GPBP1L1: variants seen among roughly 807,000 people sequenced by gnomAD.
GPBP1L1 encodes the protein vasculin-like protein 1.
Under a neutral mutation model 52.5 loss-of-function variants are expected in GPBP1L1, and 23 were observed. That is an observed-to-expected ratio of 0.44 (90% CI 0.32 to 0.62). The LOEUF (loss-of-function observed/expected upper bound fraction) is 0.62, where lower values mean the gene tolerates loss of function less well. Ranked by LOEUF, GPBP1L1 falls within the 20% of genes least tolerant of loss-of-function variation. GPBP1L1 has a pLI of 0.06. For missense variants in GPBP1L1, 596 were observed against 579.3 expected, an observed-to-expected ratio of 1.03 and a Z score of -0.30; for synonymous variants, 243 against 203.1, an observed-to-expected ratio of 1.20 and a Z score of -1.67.
At chr1:45,644,807 T>C (rs2148448432) in intron 6 of GPBP1L1, among the ~76,000 whole-genome samples, 1 of 152,290 alleles carries the variant, frequency 6.6e-6, no homozygotes, top group African/African-American at 2.4e-5. Flanking sequence ...CCTAAAACTG[T>C]CAGCTCAATA....
At position 45,640,339 on chromosome 1, in the gene GPBP1L1, A is replaced by C; in HGVS notation, c.615T>G (p.Asp205Glu). ...MLVIKKVSKEDPAAAFSAAFT... is the reference protein window; with the variant it reads ...MLVIKKVSKEEPAAAFSAAFT... ...ATGCAGCAGAGAAGGCAGCAGCAGG[A>C]TCCTCTTTGGAAACTTTTTTGATAA... is the stretch of plus-strand genomic sequence containing the variant. The change falls in exon 8 of 13, where the codon GAT becomes GAG. Residue 205 changes from aspartate (D) to glutamate (E), a missense_variant. By Grantham distance (45) the Asp-to-Glu change is conservative (BLOSUM62 2). Transcript: ENST00000355105. 1 of 1,614,164 alleles carries C rather than the reference A, an allele frequency of 6.2e-7. No individual in the cohort carries two copies. The highest frequency in any genetic ancestry group is 8.5e-7 in the Non-Finnish European group (1 of 1,180,006).
intron 6 of GPBP1L1, among the ~76,000 whole-genome samples, chr1:45,644,163 T>C (rs1644710296): frequency 6.6e-6 from 1 of 152,140 alleles, no homozygotes; most frequent in African/African-American, 2.4e-5. Flanking sequence ...ACCAACTCTC[T>C]ATATAAGTGG....
In GPBP1L1 at chr1:45,655,285, T is replaced by C; in HGVS notation, c.95A>G (p.His32Arg). Residue 32 changes from histidine (H) to arginine (R), a missense_variant, in exon 5 of 13, where the codon CAC becomes CGC. Physicochemically the swap from His to Arg is conservative, Grantham distance 29. Transcript: ENST00000355105. ...AAATCTACCTTCTCCTCTGGGTAGG[T>C]GCTCTCCGTGTTTTTCGAAGGTGGC... ...PTATFEKHGE[H>R]LPRGEGRFGV... 2 of 1,614,090 alleles carry C rather than the reference T, an allele frequency of 1.2e-6. No homozygotes were observed. Among genetic ancestry groups the C allele is most frequent in the Non-Finnish European group, 1.7e-6 (2 of 1,179,976 alleles).
chr1:45,644,003 T>C (rs1644708376), intron 6 of GPBP1L1, among the ~76,000 whole-genome samples: 1 of 152,084 alleles, frequency 6.6e-6, no homozygotes, highest in African/African-American at 2.4e-5. Context: ...CTGTGAACAT[T>C]ATACAAACAA....
At position 45,628,194 on chromosome 1, in the gene GPBP1L1, T is replaced by C. The variant is rs944810068; in HGVS notation, c.*62A>G. ...AAGAAAAGGAAAAGAACGATTTCTTTTGTATACTCCCTAAACACACAGAGT... is the reference window on the plus strand; with the variant it reads ...AAGAAAAGGAAAAGAACGATTTCTTCTGTATACTCCCTAAACACACAGAGT... On this transcript the variant is annotated 3_prime_UTR_variant, in exon 13 of 13. Transcript: ENST00000355105. 7 of 1,463,686 alleles carry C rather than the reference T, an allele frequency of 4.8e-6. No homozygotes were observed. Among genetic ancestry groups the C allele is most frequent in the African/African-American group, 2.8e-5 (2 of 71,478 alleles). 90.7% of individuals were successfully genotyped at this position (1,463,686 alleles called of 1,614,324 possible).
chr1:45,646,015 C>T (rs1000288893), intron 6 of GPBP1L1: 2 of 507,598 alleles, frequency 3.9e-6, no homozygotes, highest in Non-Finnish European at 7.8e-6. Flanking sequence ...GTGAGGTTCA[C>T]AATTTTCCCA....
At position 45,654,439 on chromosome 1, in the gene GPBP1L1, T is replaced by C. The variant is rs1644857662; in HGVS notation, c.477+104A>G. ...AACAATAAAAACCTCAACTTACAAA[T>C]TCCTTTTTCTGTAATTTCTGAAATG... On this transcript the variant is annotated intron_variant, in intron 6 of 12. Transcript: ENST00000355105. 4 of 1,144,588 alleles carry C rather than the reference T, an allele frequency of 3.5e-6. No homozygotes were observed. In the Admixed American group the frequency reaches 7.6e-5, roughly 22 times the overall value. 70.9% of individuals were successfully genotyped at this position (1,144,588 alleles called of 1,614,324 possible). A position where few individuals can be genotyped will look rare whatever the true frequency, so the allele number is the denominator to read the frequency against.
chr1:45,631,721 C>T (rs949925684), intron 10 of GPBP1L1, among the ~76,000 whole-genome samples: 1 of 152,172 alleles, frequency 6.6e-6, no homozygotes, highest in African/African-American at 2.4e-5. Flanking sequence ...AGGAGTTTAA[C>T]ACCAGCCTGA....
In GPBP1L1 at chr1:45,648,438, C is replaced by T. The variant is rs1303063127; in HGVS notation, c.478-5939G>A. The stretch of plus-strand genomic sequence containing the variant: ...CCTGTATTTACTTGTTATTCCATTA[C>T]GGAAAACTACTCCCGATTAACTGCT... On this transcript the variant is annotated intron_variant, in intron 6 of 12. Coordinates refer to ENST00000355105, the MANE Select transcript of GPBP1L1 (RefSeq NM_021639.5). Among the ~76,000 whole-genome samples, 12 of 152,296 alleles carry T rather than the reference C, an allele frequency of 7.9e-5. No individual in the cohort carries two copies. In the South Asian group the frequency reaches 1.0e-3, roughly 13 times the overall value.
intron 2 of GPBP1L1, among the ~76,000 whole-genome samples, chr1:45,681,178 C>T (rs1404659800): frequency 2.6e-5 from 4 of 152,124 alleles, no homozygotes; most frequent in South Asian, 2.1e-4. Context: ...TTCTATGTTG[C>T]CCAACAGAGA....
upstream of GPBP1L1, chr1:45,687,134 G>GGCTGCGTC (rs1421129299): frequency 4.6e-5 from 7 of 152,222 alleles, no homozygotes; most frequent in African/African-American, 1.7e-4. Flanking sequence ...GAGGCTGCGC[G>GGCTGCGTC]GCTGCGTCGG....
At position 45,628,310 on chromosome 1, in the gene GPBP1L1, G is replaced by C. The variant is rs757341252; in HGVS notation, c.1371C>G (p.Asp457Glu). The change falls in exon 13 of 13, where the codon GAC becomes GAG. Residue 457 changes from aspartate (D) to glutamate (E), a missense_variant. Coordinates refer to ENST00000355105, the MANE Select transcript of GPBP1L1 (RefSeq NM_021639.5). Reference protein sequence around the residue: ...WRSTCKAEFEDSDTETSSSET... With the variant: ...WRSTCKAEFEESDTETSSSET... ...CACTGCTACTGGTTTCGGTGTCTGA[G>C]TCCTCAAACTCTGCTTTGCAAGTGC... 4.3e-6 allele frequency: 7 copies of C among 1,614,008 alleles called. No homozygotes were observed. Among genetic ancestry groups the C allele is most frequent in the Non-Finnish European group, 5.1e-6 (6 of 1,180,032 alleles).
chr1:45,658,918 G>A, intron 4 of GPBP1L1, 110 bp downstream of exon 4: 1 of 765,982 alleles, frequency 1.3e-6, no homozygotes, highest in Non-Finnish European at 2.3e-6. Context: ...CTTCATCCTG[G>A]GTGACAGAGG....
At chr1:45,664,780 G>C (rs1183873131) in intron 2 of GPBP1L1, among the ~76,000 whole-genome samples, 2 of 151,550 alleles carry the variant, frequency 1.3e-5, no homozygotes, top group Non-Finnish European at 2.9e-5. Flanking sequence ...CCGGGTTCAA[G>C]CAATTCTCAT....
chr1:45,651,256 T>C (rs1041435884), intron 6 of GPBP1L1: 2 of 409,458 alleles, frequency 4.9e-6, no homozygotes, highest in Non-Finnish European at 9.5e-6. Flanking sequence ...GGAGTAGACA[T>C]CCCACTCTTG....
At chr1:45,638,595 A>G (rs1461030528) in intron 8 of GPBP1L1, among the ~76,000 whole-genome samples, 1 of 151,936 alleles carries the variant, frequency 6.6e-6, no homozygotes, top group African/African-American at 2.4e-5. Flanking sequence ...TTGTATATCT[A>G]ATCTACCTTG....
chr1:45,636,727 G>A (rs1159813464), intron 8 of GPBP1L1, among the ~76,000 whole-genome samples: 1 of 152,216 alleles, frequency 6.6e-6, no homozygotes, highest in Non-Finnish European at 1.5e-5. Flanking sequence ...CTGTCAAGAA[G>A]AGTTTAGCAA....
chr1:45,658,665 C>T, intron 4 of GPBP1L1: 1 of 242,744 alleles, frequency 4.1e-6, no homozygotes, highest in Non-Finnish European at 7.9e-6. Context: ...TGCAGTGGCT[C>T]ACGCCTGTAA....
Position 45,642,459 on chromosome 1 carries a change from C to T in GPBP1L1, c.518G>A (p.Cys173Tyr), listed in dbSNP as rs778023096. ...TCCAGAAGGTGTCCCAATAGGTCTG[C>T]ATGGCTGATGCTGTTTGCCAGCTTC... is the stretch of plus-strand genomic sequence containing the variant. ...NPEAGKQHQP[C>Y]RPIGTPSGVW... is the part of the protein sequence containing the mutation. The change falls in exon 7 of 13, where the codon TGC becomes TAC. Residue 173 changes from cysteine to tyrosine, a missense_variant. Transcript: ENST00000355105. 11 of 1,614,092 alleles carry T rather than the reference C, an allele frequency of 6.8e-6. No homozygotes were observed. Among genetic ancestry groups the T allele is most frequent in the South Asian group, 2.2e-5 (2 of 91,080 alleles).
Sources: allele counts gnomAD v4.1 joint callset (sites outside exome capture counted in the v4.1 genomes callset), GRCh38; gene constraint gnomAD v4.1.1; transcripts MANE v1.5; gene names NCBI Gene and HGNC (gene_info 2026-07-23, HGNC 2026-07-21).